Variants in DLG5 observed in about 807,000 individuals in gnomAD.
DLG5 encodes discs large MAGUK scaffold protein 5.
DLG5 carries 48 observed loss-of-function variants against 189.8 expected under a neutral mutation model. That is an observed-to-expected ratio of 0.25 (90% confidence interval 0.20 to 0.32). The LOEUF (loss-of-function observed/expected upper bound fraction) is 0.32, where lower values mean the gene tolerates loss of function less well. Among genes scored for constraint, DLG5 ranks in the 10% least tolerant of loss-of-function variants. The pLI is 1.00. For missense variants in DLG5, 2,160 were observed against 2,544.7 expected (o/e 0.85, Z 3.25); for synonymous variants, 1,016 against 1,054.1 (o/e 0.96, Z 0.70).
Position 77,886,384 on chromosome 10 carries a change from C to T in DLG5, c.305-17187G>A, listed in dbSNP as rs75638977. 6.3e-5 allele frequency among the ~76,000 whole-genome samples: 9 copies of T among 143,956 alleles called. No homozygotes were observed. The South Asian group carries it at 1.8e-3, about 28-fold the overall frequency. 94.4% of individuals were successfully genotyped at this position (143,956 alleles called of 152,430 possible). A position where few individuals can be genotyped will look rare whatever the true frequency, so the allele number is the denominator to read the frequency against. On this transcript the variant is annotated intron_variant, in intron 1 of 31. Coordinates refer to ENST00000372391, the MANE Select transcript of DLG5 (RefSeq NM_004747.4). ...GAACCGTGTGAGAGTAGTAATGTTG[C>T]TTTTTTTTTTTTTGGAGACAGAGTC...
At chr10:77,818,783 A>AT (rs10708893) in intron 17 of DLG5, among the ~76,000 whole-genome samples, 19 of 148,500 alleles carry the variant, frequency 1.3e-4, no homozygotes, top group African/African-American at 1.5e-4. Flanking sequence ...CACTTCGTTC[A>AT]TTTTTTTTTT....
chr10:77,885,235 G>A (rs547247439), intron 1 of DLG5, among the ~76,000 whole-genome samples: 3 of 151,718 alleles, frequency 2.0e-5, no homozygotes, highest in Non-Finnish European at 3.0e-5. Flanking sequence ...AGATGCCTAC[G>A]CTCAGAAAAC....
intron 7 of DLG5, among the ~76,000 whole-genome samples, chr10:77,838,074 C>G (rs976231159): frequency 1.3e-5 from 2 of 152,168 alleles, no homozygotes; most frequent in African/African-American, 4.8e-5. Flanking sequence ...CCCTCTGCCT[C>G]TAAGTTCTGG....
At chr10:77,899,181 G>A (rs540870392) in intron 1 of DLG5, among the ~76,000 whole-genome samples, 2 of 152,308 alleles carry the variant, frequency 1.3e-5, no homozygotes, top group East Asian at 3.9e-4. Context: ...TGCTGTGGCA[G>A]CATCCAGGCC....
upstream of DLG5, chr10:77,928,421 T>G (rs1210797590): frequency 1.3e-5 from 2 of 152,266 alleles, no homozygotes; most frequent in Non-Finnish European, 2.9e-5. Context: ...TCCCGTAGTC[T>G]GACCCTCTAT....
rs748590165 is a variant in DLG5 at position 77,809,687 on chromosome 10, C to A, written c.4507G>T (p.Val1503Phe). 1 of 1,614,124 alleles carries A rather than the reference C, an allele frequency of 6.2e-7. No homozygotes were observed. Among genetic ancestry groups the A allele is most frequent in the Non-Finnish European group, 8.5e-7 (1 of 1,180,014 alleles). Reference protein sequence around the residue: ...ANKKTLEPRVVFIKKSQLELG... With the variant: ...ANKKTLEPRVFFIKKSQLELG... ...TCCAGCTGGGACTTTTTGATGAAGACAACGCGTGGCTCCAGGGTCTTCTTG... is the reference window on the plus strand; with the variant it reads ...TCCAGCTGGGACTTTTTGATGAAGAAAACGCGTGGCTCCAGGGTCTTCTTG... Residue 1503 changes from valine (V) to phenylalanine (F), a missense_variant, in exon 24 of 32, where the codon GTC becomes TTC. Val to Phe is a conservative substitution (Grantham distance 50). Coordinates refer to ENST00000372391, the MANE Select transcript of DLG5 (RefSeq NM_004747.4).
At chr10:77,884,790 G>C (rs570265532) in intron 1 of DLG5, among the ~76,000 whole-genome samples, 1 of 152,016 alleles carries the variant, frequency 6.6e-6, no homozygotes. Context: ...AATCCAAGAC[G>C]GGCCCTCAGA....
rs139909783 is a variant in DLG5 at position 77,792,542 on chromosome 10, C to T, written c.5658G>A (p.Gly1886=). 1.0e-4 allele frequency: 164 copies of T among 1,614,072 alleles called. 1 individual carries two copies. In the African/African-American group the frequency reaches 1.9e-3, roughly 18 times the overall value. The part of the protein sequence containing the change: ...LEQEYSRYFT[G]VIQGGALSSI... The stretch of plus-strand genomic sequence containing the variant: ...TTGACAGGGCTCCTCCCTGGATGAC[C>T]CCTGCAAAAGAGCCCCCCAGACACG... The change falls in exon 32 of 32, where the codon GGG becomes GGA. Residue 1886 remains glycine, a splice_region_variant and synonymous_variant. Coordinates refer to ENST00000372391, the MANE Select transcript of DLG5 (RefSeq NM_004747.4).
Position 77,803,290 on chromosome 10 carries a change from AG to A in DLG5, c.5164+2374del, listed in dbSNP as rs142002901. Among the ~76,000 whole-genome samples the A allele has an allele frequency of 5.1e-3, 770 of 152,372 alleles. 18 individuals are homozygous for A. In the East Asian group the frequency reaches 0.073, roughly 14 times the overall value. On this transcript the variant is annotated intron_variant, in intron 27 of 31. Transcript: ENST00000372391. ...TTGATGAAACAATCAAGACTGCCAC[AG>A]GGGTGTTCAGATTGTGGAAATTCCT...
intron 14 of DLG5, 104 bp from the exon 15 acceptor site, chr10:77,822,205 C>T (rs1842404317): frequency 7.8e-7 from 1 of 1,287,758 alleles, no homozygotes; most frequent in Non-Finnish European, 1.1e-6. Flanking sequence ...AGGAATGGGC[C>T]ACCTGCCCCT....
rs140224759 is a variant in DLG5 at position 77,807,929 on chromosome 10, C to T, written c.4663G>A (p.Val1555Met). 8.2e-5 allele frequency: 133 copies of T among 1,614,200 alleles called. No individual in the cohort carries two copies. The highest frequency in any genetic ancestry group is 9.9e-5 in the Non-Finnish European group (117 of 1,180,038). Reference sequence around the variant, plus strand: ...ACTTCCTCCACTGTCTTGTTCCGCACGTCCAGGCTGCCATACTGCCAGGGA... The same window carrying T: ...ACTTCCTCCACTGTCTTGTTCCGCATGTCCAGGCTGCCATACTGCCAGGGA... The part of the protein sequence containing the change: ...DLILEYGSLD[V>M]RNKTVEEVYV... The change falls in exon 25 of 32, where the codon GTG (valine) becomes ATG (methionine). Residue 1555 changes from valine to methionine, a missense_variant. Transcript: ENST00000372391.
intron 1 of DLG5, among the ~76,000 whole-genome samples, chr10:77,904,042 C>A (rs937447509): frequency 6.6e-6 from 1 of 152,176 alleles, no homozygotes; most frequent in Non-Finnish European, 1.5e-5. Context: ...TGGTGGTGTG[C>A]ACCTGTATCT....
chr10:77,857,010 T>A, intron 2 of DLG5, 118 bp from the exon 3 acceptor site: 2 of 909,504 alleles, frequency 2.2e-6, no homozygotes, highest in Non-Finnish European at 1.6e-6. Context: ...TGGGTCCTCT[T>A]AGCATTCCCC....
intron 1 of DLG5, among the ~76,000 whole-genome samples, chr10:77,913,912 T>C (rs1310263955): frequency 1.3e-5 from 2 of 152,098 alleles, no homozygotes; most frequent in African/African-American, 4.8e-5. Flanking sequence ...AATAGAATTT[T>C]AAAAGGAAGA....
chr10:77,852,347 G>T (rs1269823), intron 5 of DLG5, among the ~76,000 whole-genome samples: 1 of 151,898 alleles, frequency 6.6e-6, no homozygotes, highest in South Asian at 2.1e-4. Flanking sequence ...CTCCAGCCTG[G>T]GCGACAGAGC....
chr10:77,808,796 G>A (rs990518952), intron 24 of DLG5, among the ~76,000 whole-genome samples: 2 of 152,180 alleles, frequency 1.3e-5, no homozygotes, highest in African/African-American at 2.4e-5. Context: ...GGTTTACAGG[G>A]ATTAAAAATC....
At chr10:77,923,652 C>A (rs1331428421) in intron 1 of DLG5, among the ~76,000 whole-genome samples, 1 of 152,004 alleles carries the variant, frequency 6.6e-6, no homozygotes, top group Non-Finnish European at 1.5e-5. Context: ...CAGCTACTTG[C>A]GGGGCTGAGG....
intron 1 of DLG5, among the ~76,000 whole-genome samples, chr10:77,893,583 G>A (rs952178837): frequency 6.6e-6 from 1 of 152,244 alleles, no homozygotes; most frequent in Admixed American, 6.5e-5. Context: ...GTATCAATGG[G>A]CAGCAGTGCT....
chr10:77,877,540 C>T (rs572906663), intron 1 of DLG5, among the ~76,000 whole-genome samples: 2 of 152,130 alleles, frequency 1.3e-5, no homozygotes, highest in South Asian at 2.1e-4. Context: ...TCAGAGCTGC[C>T]GGGCTGCAGG....
Sources: allele counts gnomAD v4.1 joint callset (sites outside exome capture counted in the v4.1 genomes callset), GRCh38; gene constraint gnomAD v4.1.1; transcripts MANE v1.5; gene names NCBI Gene and HGNC (gene_info 2026-07-23, HGNC 2026-07-21).